COL22A1: variants seen among roughly 807,000 people sequenced by gnomAD.
COL22A1 encodes the protein collagen alpha-1(XXII) chain.
Under a neutral mutation model 248.9 loss-of-function variants are expected in COL22A1, and 221 were observed. That is an observed-to-expected ratio of 0.89 (90% CI 0.80 to 0.99). The LOEUF is 0.99. COL22A1 is among the 50% of genes least tolerant of loss of function. The pLI, the probability that COL22A1 is intolerant of heterozygous loss-of-function variation, is 0.00. For synonymous variants in COL22A1, 891 were observed against 793.4 expected (o/e 1.12, Z -2.07); for missense variants, 2,240 against 2,179.0 (o/e 1.03, Z -0.56).
chr8:138,877,807 ACACGT>A lies in COL22A1; in HGVS notation c.596_600del (p.His199LeufsTer19). ...ATCTTGTCGATGGCATTGAAGTCGGACACGTGGAAGACGTGGGCGGACTTGGGCTC... is the reference window on the plus strand; with the variant it reads ...ATCTTGTCGATGGCATTGAAGTCGGAGGAAGACGTGGGCGGACTTGGGCTC... On this transcript the variant is annotated frameshift_variant, in exon 3 of 65. Transcript: ENST00000303045. LOFTEE classifies it high-confidence loss of function. The A allele has an allele frequency of 6.2e-7, 1 of 1,610,894 alleles. No individual in the cohort carries two copies. Among genetic ancestry groups the A allele is most frequent in the South Asian group, 1.1e-5 (1 of 90,676 alleles).
intron 23 of COL22A1, among the ~76,000 whole-genome samples, chr8:138,725,752 GACACACACACACACACACAC>G (rs66497386): frequency 3.0e-4 from 44 of 148,686 alleles, no homozygotes; most frequent in South Asian, 2.0e-3. Context: ...CACATGTGCA[GACACACACACACACACACAC>G]ACACACACAC....
At chr8:138,593,658 G>C (rs180690143) in intron 63 of COL22A1, among the ~76,000 whole-genome samples, 1 of 152,058 alleles carries the variant, frequency 6.6e-6, no homozygotes, top group Non-Finnish European at 1.5e-5. Flanking sequence ...CAATTTTAAG[G>C]CTGGCATTTA....
At chr8:138,719,306 G>A (rs536620798) in intron 27 of COL22A1, among the ~76,000 whole-genome samples, 7 of 152,096 alleles carry the variant, frequency 4.6e-5, no homozygotes, top group East Asian at 1.9e-4. Context: ...CATGGGGATC[G>A]GTGTAGACAT....
chr8:138,705,287 C>G (rs1828331532), intron 30 of COL22A1, among the ~76,000 whole-genome samples: 1 of 152,126 alleles, frequency 6.6e-6, no homozygotes, highest in African/African-American at 2.4e-5. Flanking sequence ...GAGAACACCA[C>G]AAAGATACTC....
intron 3 of COL22A1, among the ~76,000 whole-genome samples, chr8:138,847,601 C>T (rs917273293): frequency 1.4e-4 from 21 of 152,140 alleles, no homozygotes; most frequent in Admixed American, 1.3e-4. Flanking sequence ...ATAACCAAAG[C>T]TTGCTGTGGA....
intron 63 of COL22A1, among the ~76,000 whole-genome samples, chr8:138,593,392 T>A (rs78974885): frequency 0.059 from 8,971 of 151,402 alleles, 454 homozygotes; most frequent in East Asian, 0.16. Context: ...ATTTTTTTTT[T>A]AAAAAAAAAC....
chr8:138,640,694 T>A lies in COL22A1; in HGVS notation c.3502-3899A>T, dbSNP rs141535896. ...ATGAAGCAAGTATTATGAGGACCAC[T>A]TGCAGTTACATGTATTAAATGCTTC... is the stretch of plus-strand genomic sequence containing the variant. On this transcript the variant is annotated intron_variant, in intron 47 of 64. Transcript: ENST00000303045. Among the ~76,000 whole-genome samples, 758 of 152,292 alleles carry A rather than the reference T, an allele frequency of 5.0e-3. 6 individuals are homozygous for A. The highest frequency in any genetic ancestry group is 0.017 in the African/African-American group (720 of 41,560).
At chr8:138,781,792 A>T (rs1156232482) in intron 12 of COL22A1, among the ~76,000 whole-genome samples, 1 of 151,716 alleles carries the variant, frequency 6.6e-6, no homozygotes, top group Non-Finnish European at 1.5e-5. Flanking sequence ...TCCCCGCCCC[A>T]CTCCCAGCTC....
chr8:138,716,278 G>T lies in COL22A1; in HGVS notation c.2412C>A (p.Gly804=). ...CTGGGAAGCCTGGAGCCCCTGGGAGGCCTGCTTCTCCCTGTGAGAACAAAA... is the reference window on the plus strand; with the variant it reads ...CTGGGAAGCCTGGAGCCCCTGGGAGTCCTGCTTCTCCCTGTGAGAACAAAA... ...AGRPGEKGEA[G]LPGAPGFPGV... Residue 804 remains glycine (G), a synonymous_variant, in exon 29 of 65, where the codon GGC becomes GGA. Coordinates refer to ENST00000303045, the MANE Select transcript of COL22A1 (RefSeq NM_152888.3). 6.3e-7 allele frequency: 1 copy of T among 1,590,362 alleles called. No individual in the cohort carries two copies.
Position 138,596,918 on chromosome 8 carries a change from C to A in COL22A1, c.4418G>T (p.Gly1473Val), listed in dbSNP as rs1817582680. Reference sequence around the variant, plus strand: ...CAGATACTCACTTTCAAGCTGCTTCCCCAGCTCTTCTTGAATAAGCCGACG... The same window carrying A: ...CAGATACTCACTTTCAAGCTGCTTCACCAGCTCTTCTTGAATAAGCCGACG... The part of the protein sequence containing the change: ...TLRRLIQEEL[G>V]KQLETRLAYL... Residue 1473 changes from glycine to valine, a missense_variant, in exon 62 of 65, where the codon GGG becomes GTG. Transcript: ENST00000303045. 2 of 1,613,878 alleles carry A rather than the reference C, an allele frequency of 1.2e-6. No individual in the cohort carries two copies. Among genetic ancestry groups the A allele is most frequent in the African/African-American group, 1.3e-5 (1 of 74,902 alleles).
chr8:138,680,027 C>T (rs1262813241), intron 39 of COL22A1, among the ~76,000 whole-genome samples: 1 of 152,226 alleles, frequency 6.6e-6, no homozygotes, highest in Non-Finnish European at 1.5e-5. Context: ...TTACGGTCCA[C>T]TGTGATGCTA....
intron 16 of COL22A1, among the ~76,000 whole-genome samples, chr8:138,768,602 G>C (rs916313102): frequency 6.6e-6 from 1 of 152,158 alleles, no homozygotes; most frequent in Non-Finnish European, 1.5e-5. Flanking sequence ...AGATAACATA[G>C]GTGAAATTCT....
At chr8:138,791,686 C>A (rs1441363733) in intron 12 of COL22A1, among the ~76,000 whole-genome samples, 1 of 152,200 alleles carries the variant, frequency 6.6e-6, no homozygotes, top group Non-Finnish European at 1.5e-5. Context: ...GGAGCCAAGG[C>A]TCTGAGAAGG....
intron 27 of COL22A1, among the ~76,000 whole-genome samples, chr8:138,717,963 G>A (rs73443071): frequency 1.4e-3 from 212 of 152,300 alleles, no homozygotes; most frequent in African/African-American, 4.9e-3. Context: ...AACCTTTAGT[G>A]TAGATTTTAA....
At chr8:138,901,923 C>T (rs1051086446) in intron 1 of COL22A1, among the ~76,000 whole-genome samples, 2 of 152,132 alleles carry the variant, frequency 1.3e-5, no homozygotes, top group East Asian at 1.9e-4. Context: ...CCTGCACTCC[C>T]CTGCTCCCCG....
intron 3 of COL22A1, among the ~76,000 whole-genome samples, chr8:138,855,405 G>C (rs1821936942): frequency 6.6e-6 from 1 of 152,230 alleles, no homozygotes; most frequent in African/African-American, 2.4e-5. Flanking sequence ...AGTGGCAGCA[G>C]TGTGGCTCCA....
intron 5 of COL22A1, among the ~76,000 whole-genome samples, chr8:138,831,036 T>A (rs1820006551): frequency 6.6e-6 from 1 of 152,202 alleles, no homozygotes; most frequent in South Asian, 2.1e-4. Flanking sequence ...CTTTGTTTCA[T>A]GAAAACGAGA....
At chr8:138,755,540 G>A (rs778036431) in intron 19 of COL22A1, 29 bp from the exon 20 acceptor site, 52 of 1,613,588 alleles carry the variant, frequency 3.2e-5, no homozygotes, top group Admixed American at 8.3e-5. Flanking sequence ...ATTAGCAAAG[G>A]TGCTGGCATT....
intron 21 of COL22A1, among the ~76,000 whole-genome samples, chr8:138,752,283 T>G (rs1316224227): frequency 6.6e-6 from 1 of 152,234 alleles, no homozygotes; most frequent in Non-Finnish European, 1.5e-5. Flanking sequence ...CTATCACCAC[T>G]TCTGGGTGAA....
Sources: allele counts gnomAD v4.1 joint callset (sites outside exome capture counted in the v4.1 genomes callset), GRCh38; gene constraint gnomAD v4.1.1; transcripts MANE v1.5; gene names NCBI Gene and HGNC (gene_info 2026-07-23, HGNC 2026-07-21).